NPAS3: variants seen among roughly 807,000 people sequenced by gnomAD.
The protein encoded by NPAS3 is neuronal PAS domain-containing protein 3.
In NPAS3, 14 loss-of-function variants were observed where a neutral mutation model predicts 73.1. That is an observed-to-expected ratio of 0.19 (90% CI 0.13 to 0.30). The LOEUF is 0.30. NPAS3 is among the 10% of genes least tolerant of loss of function. NPAS3 has a pLI of 1.00. For synonymous variants in NPAS3, 620 were observed against 541.5 expected (o/e 1.14, Z -2.01); for missense variants, 1,096 against 1,250.0 (o/e 0.88, Z 1.86).
intron 4 of NPAS3, among the ~76,000 whole-genome samples, chr14:33,525,401 C>T (rs10483451): frequency 0.058 from 8,757 of 152,240 alleles, 282 homozygotes; most frequent in Middle Eastern, 0.068. Flanking sequence ...GTCTTCAGAA[C>T]TTTAGATAAA....
chr14:33,440,126 A>AAG (rs1386694177), intron 4 of NPAS3, among the ~76,000 whole-genome samples: 1 of 151,870 alleles, frequency 6.6e-6, no homozygotes, highest in East Asian at 1.9e-4. Context: ...AAAAAAAAAA[A>AAG]AAAAAGAAAA....
chr14:32,951,993 G>T (rs796922951), intron 1 of NPAS3, among the ~76,000 whole-genome samples: 27 of 151,918 alleles, frequency 1.8e-4, no homozygotes, highest in African/African-American at 6.5e-4. Flanking sequence ...CTTATTTATG[G>T]TTTCTGGAAA....
At position 33,551,709 on chromosome 14, in the gene NPAS3, C is replaced by G. The variant is rs187380972; in HGVS notation, c.469-8412C>G. Among the ~76,000 whole-genome samples the G allele has an allele frequency of 4.4e-3, 667 of 152,276 alleles. 4 individuals are homozygous for G. Among genetic ancestry groups the G allele is most frequent in the Non-Finnish European group, 7.6e-3 (514 of 68,018 alleles). Reference sequence around the variant, plus strand: ...TGGTCCAGTCTTACATACCAGCTGCCTATTTGGAGATGTGGTTCTACTAGG... The same window carrying G: ...TGGTCCAGTCTTACATACCAGCTGCGTATTTGGAGATGTGGTTCTACTAGG... On this transcript the variant is annotated intron_variant, in intron 4 of 11. Transcript: ENST00000356141.
At chr14:33,636,060 ACAGG>A in intron 5 of NPAS3, among the ~76,000 whole-genome samples, 1 of 152,248 alleles carries the variant, frequency 6.6e-6, no homozygotes, top group East Asian at 1.9e-4. Context: ...AGCTGGGATT[ACAGG>A]CATGCACCAC....
Position 33,235,481 on chromosome 14 carries a change from C to T in NPAS3, c.385+20055C>T, listed in dbSNP as rs567908744. Among the ~76,000 whole-genome samples the T allele has an allele frequency of 1.4e-4, 21 of 152,020 alleles. 1 individual carries two copies. The highest frequency in any genetic ancestry group is 5.3e-4 in the Admixed American group (8 of 15,236). On this transcript the variant is annotated intron_variant, in intron 3 of 11. Transcript: ENST00000356141. The stretch of plus-strand genomic sequence containing the variant: ...GAGTGAAATCAACAACTCTCTTATT[C>T]CTTCCTTGACGAATCCTCTTTGGTG...
intron 3 of NPAS3, among the ~76,000 whole-genome samples, chr14:33,315,556 A>G (rs2043177024): frequency 6.6e-6 from 1 of 151,380 alleles, no homozygotes; most frequent in African/African-American, 2.4e-5. Flanking sequence ...TTGGGAGGGT[A>G]GCAGTGAGAG....
intron 3 of NPAS3, 117 bp downstream of exon 3, chr14:33,215,543 A>G (rs1416788543): frequency 1.7e-6 from 2 of 1,143,966 alleles, no homozygotes; most frequent in Non-Finnish European, 1.3e-6. Flanking sequence ...AAAGGGATAC[A>G]AATGTGGAAA....
intron 2 of NPAS3, among the ~76,000 whole-genome samples, chr14:33,117,986 G>A (rs1056438124): frequency 6.6e-6 from 1 of 151,968 alleles, no homozygotes; most frequent in South Asian, 2.1e-4. Flanking sequence ...ATTATTCACA[G>A]GTGAGTACTC....
chr14:33,705,492 C>T (rs1017871744), intron 6 of NPAS3, among the ~76,000 whole-genome samples: 4 of 152,300 alleles, frequency 2.6e-5, no homozygotes, highest in Middle Eastern at 3.4e-3. Context: ...GAGGCGAAAT[C>T]GGCTACTGTA....
intron 5 of NPAS3, among the ~76,000 whole-genome samples, chr14:33,599,728 C>T (rs1159389919): frequency 6.6e-6 from 1 of 152,150 alleles, no homozygotes; most frequent in Admixed American, 6.6e-5. Flanking sequence ...CTTCATGGAG[C>T]TCATTCAGGA....
chr14:32,950,286 T>C (rs1304674958), intron 1 of NPAS3, among the ~76,000 whole-genome samples: 1 of 152,024 alleles, frequency 6.6e-6, no homozygotes, highest in Non-Finnish European at 1.5e-5. Context: ...TCAAAGAATT[T>C]TAACCAGGAA....
At chr14:33,215,819 G>T (rs1454195793) in intron 3 of NPAS3, among the ~76,000 whole-genome samples, 1 of 152,140 alleles carries the variant, frequency 6.6e-6, no homozygotes, top group African/African-American at 2.4e-5. Context: ...CCAAAGAAAG[G>T]CAGGGAGCAT....
intron 3 of NPAS3, among the ~76,000 whole-genome samples, chr14:33,255,182 A>G (rs1200164575): frequency 6.6e-6 from 1 of 152,150 alleles, no homozygotes; most frequent in Non-Finnish European, 1.5e-5. Flanking sequence ...CCCTGTTTTG[A>G]AATTGCTTAA....
At chr14:33,482,217 A>G (rs1464468307) in intron 4 of NPAS3, among the ~76,000 whole-genome samples, 1 of 152,210 alleles carries the variant, frequency 6.6e-6, no homozygotes, top group Admixed American at 6.6e-5. Context: ...TCTAGAATTA[A>G]GAAGGTTTTA....
intron 2 of NPAS3, among the ~76,000 whole-genome samples, chr14:33,136,354 T>C (rs536774339): frequency 6.6e-5 from 10 of 152,232 alleles, no homozygotes; most frequent in East Asian, 3.9e-4. Flanking sequence ...CCACTGCGCC[T>C]GGCCAAATAA....
At chr14:32,938,482 A>AGAGAGAGAGAGAGAGAGAG (rs2035781447), upstream of NPAS3, among the ~76,000 whole-genome samples, 3 of 15,054 alleles carry the variant, frequency 2.0e-4, no homozygotes, top group Non-Finnish European at 3.1e-4. Flanking sequence ...AGAGAGAGAG[A>AGAGAGAGAGAGAGAGAGAG]AATTGAGAGA....
At chr14:33,446,597 C>T (rs1255696777) in intron 4 of NPAS3, among the ~76,000 whole-genome samples, 1 of 152,222 alleles carries the variant, frequency 6.6e-6, no homozygotes, top group Non-Finnish European at 1.5e-5. Context: ...TGTTAGCAGT[C>T]TCAGCAGAAA....
chr14:33,527,235 G>A (rs2053841116), intron 4 of NPAS3, among the ~76,000 whole-genome samples: 1 of 152,142 alleles, frequency 6.6e-6, no homozygotes, highest in African/African-American at 2.4e-5. Flanking sequence ...CTTGTCAGGG[G>A]TGCTCCGAAG....
At chr14:33,570,342 T>C (rs983097610) in intron 5 of NPAS3, among the ~76,000 whole-genome samples, 2 of 152,186 alleles carry the variant, frequency 1.3e-5, no homozygotes, top group Non-Finnish European at 2.9e-5. Context: ...TTCAGTCTAG[T>C]TGTCCAGGGT....
Sources: gnomAD v4.1 joint callset for allele counts (sites outside exome capture counted in the v4.1 genomes callset) on GRCh38, gnomAD v4.1.1 for gene constraint, MANE v1.5 for transcripts, NCBI Gene and HGNC (gene_info 2026-07-23, HGNC 2026-07-21) for gene names.